WIPF1: variants seen among roughly 807,000 people sequenced by gnomAD.
WIPF1 encodes the protein WAS/WASL interacting protein family member 1.
A neutral mutation model predicts 35.4 loss-of-function variants in WIPF1; 13 were observed. The observed-to-expected ratio is 0.37, with a 90% CI of 0.24 to 0.58. The LOEUF (loss-of-function observed/expected upper bound fraction) is 0.58. Ranked by LOEUF, WIPF1 falls within the 20% of genes least tolerant of loss-of-function variation. WIPF1 has a pLI of 0.74. For missense variants in WIPF1, 591 were observed against 667.0 expected (o/e 0.89, Z 1.25); for synonymous variants, 267 against 266.3 (o/e 1.00, Z -0.02).
At position 174,625,245 on chromosome 2, in the gene WIPF1, TGTACAGGATACAGGCCTA is replaced by T. The variant is rs558072237; in HGVS notation, c.-38-39652_-38-39635del. 1.4e-3 allele frequency among the ~76,000 whole-genome samples: 216 copies of T among 152,322 alleles called. 1 individual carries two copies. The highest frequency in any genetic ancestry group is 2.8e-4 in the Non-Finnish European group (19 of 68,026). On this transcript the variant is annotated intron_variant, in intron 1 of 8. Transcript: ENST00000272746. Reference sequence around the variant, plus strand: ...CATACCACCCGAGTAGCCTCACCACTGTACAGGATACAGGCCTAAGAAAAGACTTGGCTCATGAATCCC... The same window carrying T: ...CATACCACCCGAGTAGCCTCACCACTAGAAAAGACTTGGCTCATGAATCCC...
At position 174,590,363 on chromosome 2, in the gene WIPF1, A is replaced by T. The variant is rs1685565973; in HGVS notation, c.-38-4752T>A. ...TAGCTCTGTCCTTCAGAGGGTGAGGATGGGTCCTGCTGGTACAAGCTGCTG... is the reference window on the plus strand; with the variant it reads ...TAGCTCTGTCCTTCAGAGGGTGAGGTTGGGTCCTGCTGGTACAAGCTGCTG... On this transcript the variant is annotated intron_variant, in intron 1 of 7. Transcript: ENST00000679041. This position sits in a 1 kb window ranked among gnomAD's most constrained non-coding sequence, Gnocchi z 4.6. Among the ~76,000 whole-genome samples the T allele has an allele frequency of 6.6e-6, 1 of 152,124 alleles. No homozygotes were observed. Among genetic ancestry groups the T allele is most frequent in the Non-Finnish European group, 1.5e-5 (1 of 68,020 alleles).
upstream of WIPF1, among the ~76,000 whole-genome samples, chr2:174,601,888 C>T (rs999076447): frequency 7.9e-5 from 12 of 152,332 alleles, no homozygotes; most frequent in East Asian, 1.3e-3. Flanking sequence ...CACTGTCCAG[C>T]GCCATTAATG....
chr2:174,585,431 C>G, intron 2 of WIPF1, 92 bp downstream of exon 2: 2 of 1,310,430 alleles, frequency 1.5e-6, no homozygotes, highest in Non-Finnish European at 2.2e-6. Flanking sequence ...AGCCAGAATG[C>G]AAACACATTT....
At chr2:174,677,404 C>T (rs936544587) in intron 1 of WIPF1, among the ~76,000 whole-genome samples, 3 of 152,164 alleles carry the variant, frequency 2.0e-5, no homozygotes, top group Admixed American at 6.5e-5. Flanking sequence ...AAGTGATTGT[C>T]TTGAAAGAGC....
intron 1 of WIPF1, among the ~76,000 whole-genome samples, chr2:174,618,905 AT>A (rs1309458514): frequency 1.3e-5 from 2 of 151,988 alleles, no homozygotes; most frequent in Admixed American, 6.6e-5. Context: ...CACAATTAGC[AT>A]TTTCCTTGGC....
intron 1 of WIPF1, chr2:174,665,366 CTCCTCCA>C (rs1443749832): frequency 1.3e-5 from 2 of 152,266 alleles, no homozygotes; most frequent in African/African-American, 4.8e-5. Context: ...GGCCTCCTAA[CTCCTCCA>C]TCACCATCTT....
intron 7 of WIPF1, among the ~76,000 whole-genome samples, chr2:174,564,699 A>G (rs1684590819): frequency 6.6e-6 from 1 of 152,102 alleles, no homozygotes; most frequent in Non-Finnish European, 1.5e-5. Context: ...AGCAAATAAT[A>G]AGTTAGGAAA....
chr2:174,670,468 A>G (rs934107605), intron 1 of WIPF1, among the ~76,000 whole-genome samples: 1 of 152,224 alleles, frequency 6.6e-6, no homozygotes, highest in African/African-American at 2.4e-5. Context: ...CACTTGTCCT[A>G]AAGTTCAGCT....
At chr2:174,612,554 T>C (rs1193201306) in intron 1 of WIPF1, among the ~76,000 whole-genome samples, 2 of 145,178 alleles carry the variant, frequency 1.4e-5, no homozygotes, top group Non-Finnish European at 3.0e-5. Context: ...ATTTTTAGAG[T>C]ACAATCACTA....
chr2:174,562,706 G>T, intron 7 of WIPF1, 104 bp from the exon 8 acceptor site: 1 of 1,441,664 alleles, frequency 6.9e-7, no homozygotes, highest in Middle Eastern at 1.7e-4. Flanking sequence ...TCATCCCTAT[G>T]ACCAGGGCTG....
At chr2:174,600,803 TG>T (rs1685977571), upstream of WIPF1, among the ~76,000 whole-genome samples, 1 of 152,066 alleles carries the variant, frequency 6.6e-6, no homozygotes, top group Non-Finnish European at 1.5e-5. Context: ...CTAATGCAGG[TG>T]TTTGACTGCT....
chr2:174,674,128 C>T lies in WIPF1; in HGVS notation c.-39+8646G>A, dbSNP rs748927809. 1.5e-4 allele frequency among the ~76,000 whole-genome samples: 23 copies of T among 152,304 alleles called. No homozygotes were observed. The East Asian group carries it at 1.9e-3, about 13-fold the overall frequency. On this transcript the variant is annotated intron_variant, in intron 1 of 8. Coordinates refer to the WIPF1 transcript ENST00000272746. ...AATAATTTTATAATGAACTCAGCAA[C>T]GGCAAGGACATGAGAAGCAGAATCT...
intron 1 of WIPF1, among the ~76,000 whole-genome samples, chr2:174,666,262 C>T (rs1195722690): frequency 1.3e-5 from 2 of 152,200 alleles, no homozygotes; most frequent in Non-Finnish European, 2.9e-5. Context: ...GAGATCTCAT[C>T]TCAAAACAAA....
chr2:174,682,415 A>G (rs2106002691), intron 1 of WIPF1, among the ~76,000 whole-genome samples: 1 of 152,262 alleles, frequency 6.6e-6, no homozygotes, highest in Non-Finnish European at 1.5e-5. Flanking sequence ...CCCCTGCTCG[A>G]GACCTACGGA....
intron 1 of WIPF1, among the ~76,000 whole-genome samples, chr2:174,586,719 G>A (rs1340273004): frequency 6.6e-6 from 1 of 152,148 alleles, no homozygotes; most frequent in African/African-American, 2.4e-5. Flanking sequence ...AGCAATGCCA[G>A]CTTCTCCCAC....
intron 1 of WIPF1, among the ~76,000 whole-genome samples, chr2:174,650,323 A>C (rs1307456181): frequency 6.6e-6 from 1 of 152,230 alleles, no homozygotes; most frequent in African/African-American, 2.4e-5. Flanking sequence ...CTGAGAACAG[A>C]GGAATCCCTC....
chr2:174,592,731 G>A lies in WIPF1; in HGVS notation c.-39+4870C>T, dbSNP rs187766838. 1.3e-4 allele frequency among the ~76,000 whole-genome samples: 19 copies of A among 151,248 alleles called. No homozygotes were observed. The East Asian group carries it at 2.1e-3, about 17-fold the overall frequency. On this transcript the variant is annotated intron_variant, in intron 1 of 7. Coordinates refer to ENST00000679041, the MANE Select transcript of WIPF1 (RefSeq NM_001375834.1). ...AACAATTCTCCTGCCTCAGCCTCCC[G>A]AGTAGCTGGGATTACAGGCGTGTGC...
In WIPF1 at chr2:174,634,885, AG is replaced by A. The variant is rs1428529645; in HGVS notation, c.-39+47888del. Among the ~76,000 whole-genome samples the A allele has an allele frequency of 4.6e-5, 7 of 152,268 alleles. No individual in the cohort carries two copies. In the East Asian group the frequency reaches 1.4e-3, roughly 29 times the overall value. On this transcript the variant is annotated intron_variant, in intron 1 of 8. Coordinates refer to the WIPF1 transcript ENST00000272746. ...CCAGGGTCACCTATCTTGAGACTGGAGTTCAGCAGCTGAGAAGGGGCAGAGC... is the reference window on the plus strand; with the variant it reads ...CCAGGGTCACCTATCTTGAGACTGGATTCAGCAGCTGAGAAGGGGCAGAGC...
chr2:174,655,570 C>T (rs1687622830), intron 1 of WIPF1: 1 of 152,242 alleles, frequency 6.6e-6, no homozygotes, highest in Non-Finnish European at 1.5e-5. Context: ...TCTTTCAGTT[C>T]CATGAAAGGG....
Sources: gnomAD v4.1 joint callset for allele counts (sites outside exome capture counted in the v4.1 genomes callset) on GRCh38, gnomAD v4.1.1 for gene constraint, Gnocchi (gnomAD v3.1) non-coding constraint, MANE v1.5 for transcripts, NCBI Gene and HGNC (gene_info 2026-07-23, HGNC 2026-07-21) for gene names.